SYNE1: variants seen among roughly 807,000 people sequenced by gnomAD.
SYNE1 encodes the protein nesprin-1.
In SYNE1, 616 loss-of-function variants were observed where a neutral mutation model predicts 1,111.0. The observed-to-expected ratio is 0.55, with a 90% confidence interval of 0.52 to 0.59. The LOEUF (loss-of-function observed/expected upper bound fraction) is 0.59, where lower values mean the gene tolerates loss of function less well. SYNE1 is among the 20% of genes least tolerant of loss of function. SYNE1 has a pLI of 0.00. For synonymous variants in SYNE1, 3,855 were observed against 3,825.8 expected, an observed-to-expected ratio of 1.01 and a Z score of -0.28; for missense variants, 10,006 against 10,417.0, an observed-to-expected ratio of 0.96 and a Z score of 1.72.
chr6:152,413,221 A>C, intron 42 of SYNE1, 131 bp downstream of exon 42: 1 of 1,070,140 alleles, frequency 9.3e-7, no homozygotes. Context: ...AATGTTATGA[A>C]AGTGACACAG....
intron 95 of SYNE1, 38 bp from the exon 96 acceptor site, chr6:152,284,210 T>C (rs780971764): frequency 6.2e-7 from 1 of 1,605,946 alleles, no homozygotes; most frequent in African/African-American, 1.3e-5. Flanking sequence ...CATGTATTCA[T>C]TTCTTCACTG....
intron 137 of SYNE1, chr6:152,144,555 C>T (rs557337051): frequency 6.6e-6 from 1 of 152,408 alleles, no homozygotes; most frequent in African/African-American, 2.4e-5. Context: ...GTGAAGCTAG[C>T]ATGGGGTGAA....
chr6:152,298,426 G>A (rs577720046), intron 93 of SYNE1, among the ~76,000 whole-genome samples: 26 of 152,192 alleles, frequency 1.7e-4, no homozygotes, highest in African/African-American at 3.6e-4. Flanking sequence ...GGAATGCCTC[G>A]GTATTTCTAC....
intron 119 of SYNE1, 25 bp from the exon 120 acceptor site, chr6:152,219,210 C>A (rs2079481467): frequency 6.2e-7 from 1 of 1,610,060 alleles, no homozygotes; most frequent in South Asian, 1.1e-5. Context: ...AATATGCCCA[C>A]TCTGAAGCAT....
chr6:152,617,564 C>T (rs2099660862), intron 3 of SYNE1, among the ~76,000 whole-genome samples: 1 of 152,056 alleles, frequency 6.6e-6, no homozygotes, highest in Admixed American at 6.6e-5. Context: ...AAACTAAGTG[C>T]CTACTAAATG....
chr6:152,275,162 C>T (rs915849641), intron 98 of SYNE1, among the ~76,000 whole-genome samples: 1 of 152,148 alleles, frequency 6.6e-6, no homozygotes, highest in African/African-American at 2.4e-5. Context: ...CCTTCTTAGC[C>T]TCCCAAACTG....
chr6:152,460,084 G>A lies in SYNE1; in HGVS notation c.2395-1154C>T, dbSNP rs539992186. 3.3e-5 allele frequency among the ~76,000 whole-genome samples: 5 copies of A among 152,234 alleles called. No individual in the cohort carries two copies. The South Asian group carries it at 1.0e-3, about 32-fold the overall frequency. On this transcript the variant is annotated intron_variant, in intron 21 of 145. Transcript: ENST00000367255. ...CTGGGTAGAAGAGAAAACCTATCAAGATGCTGCATCTGAAACAGTAAAAAG... is the reference window on the plus strand; with the variant it reads ...CTGGGTAGAAGAGAAAACCTATCAAAATGCTGCATCTGAAACAGTAAAAAG...
At position 152,451,163 on chromosome 6, in the gene SYNE1, T is replaced by A; in HGVS notation, c.3070A>T (p.Ile1024Phe). 1.9e-6 allele frequency: 3 copies of A among 1,614,066 alleles called. No individual in the cohort carries two copies. Among genetic ancestry groups the A allele is most frequent in the Non-Finnish European group, 2.5e-6 (3 of 1,180,018 alleles). Residue 1024 changes from isoleucine (I) to phenylalanine (F), a missense_variant, in exon 26 of 146, where the codon ATT (isoleucine) becomes TTT (phenylalanine). Ile to Phe is a conservative substitution (Grantham distance 21). Around this residue, in one of 7 missense-constraint regions of SYNE1, gnomAD observed 1,971 missense variants for 2,084.1 expected, o/e 0.95. Transcript: ENST00000367255. ...AAGAACCTATTCTTCTCCACATCAA[T>A]CTTCAGATGAAGCAAATGATAAGGG... ...EAPYHLLHLKIDVEKNRFLAS... is the reference protein window; with the variant it reads ...EAPYHLLHLKFDVEKNRFLAS...
chr6:152,524,015 C>G (rs930922182), intron 5 of SYNE1, among the ~76,000 whole-genome samples: 1 of 152,124 alleles, frequency 6.6e-6, no homozygotes, highest in African/African-American at 2.4e-5. Context: ...TTGACTTACT[C>G]TTTTCCAATT....
chr6:152,621,284 A>G (rs574997981), intron 3 of SYNE1, among the ~76,000 whole-genome samples: 3 of 152,318 alleles, frequency 2.0e-5, no homozygotes, highest in Admixed American at 1.3e-4. Context: ...TTTAACAGGG[A>G]GGTCAAAGAA....
At chr6:152,630,650 T>A (rs2129006303) in intron 2 of SYNE1, among the ~76,000 whole-genome samples, 1 of 152,292 alleles carries the variant, frequency 6.6e-6, no homozygotes, top group South Asian at 2.1e-4. Flanking sequence ...AATCAACCAA[T>A]CTACCTATTA....
chr6:152,173,138 A>G (rs1245292721), intron 130 of SYNE1, among the ~76,000 whole-genome samples: 1 of 152,304 alleles, frequency 6.6e-6, no homozygotes, highest in East Asian at 1.9e-4. Flanking sequence ...TGACAACACA[A>G]TTTAAAAACT....
chr6:152,193,059 A>C (rs751280949), intron 127 of SYNE1, among the ~76,000 whole-genome samples: 15 of 151,962 alleles, frequency 9.9e-5, no homozygotes, highest in African/African-American at 3.6e-4. Flanking sequence ...ATTTATATTA[A>C]ATGTTGTTAT....
intron 101 of SYNE1, among the ~76,000 whole-genome samples, chr6:152,257,254 C>G (rs532651106): frequency 6.6e-6 from 1 of 152,188 alleles, no homozygotes; most frequent in East Asian, 1.9e-4. Context: ...TAAAGCAGGC[C>G]ACCCACGATG....
rs2075591961 is a variant in SYNE1 at position 152,202,117 on chromosome 6, CG to C, written c.23020-169del. Reference sequence around the variant, plus strand: ...ATCCCAGCACTTTGGGAGGCCGAGGCGGGTGGATCACTCGAGGTCAGGAGTT... The same window carrying C: ...ATCCCAGCACTTTGGGAGGCCGAGGCGGTGGATCACTCGAGGTCAGGAGTT... On this transcript the variant is annotated intron_variant, in intron 126 of 145. Transcript: ENST00000367255. Among the ~76,000 whole-genome samples, 4 of 152,040 alleles carry C rather than the reference CG, an allele frequency of 2.6e-5. No homozygotes were observed. The South Asian group carries it at 6.2e-4, about 24-fold the overall frequency.
At chr6:152,420,922 T>C (rs769675690) in intron 39 of SYNE1, among the ~76,000 whole-genome samples, 5 of 152,238 alleles carry the variant, frequency 3.3e-5, no homozygotes, top group Non-Finnish European at 7.3e-5. Context: ...TTGGAGACTA[T>C]TTGTGAGCAT....
intron 145 of SYNE1, among the ~76,000 whole-genome samples, chr6:152,124,222 C>T (rs1429628359): frequency 9.9e-5 from 15 of 152,164 alleles, no homozygotes; most frequent in Non-Finnish European, 2.1e-4. Context: ...AGGAGAATCG[C>T]TTGAACCCGG....
chr6:152,168,435 C>T (rs771331343), intron 130 of SYNE1: 31 of 503,924 alleles, frequency 6.2e-5, no homozygotes, highest in Non-Finnish European at 1.1e-4. Context: ...ATGTAGGCCA[C>T]GAGTGTAAGA....
chr6:152,559,310 A>G (rs2099386847), intron 3 of SYNE1, among the ~76,000 whole-genome samples: 2 of 152,254 alleles, frequency 1.3e-5, no homozygotes, highest in South Asian at 4.1e-4. Context: ...TGTGTTGCCC[A>G]GGCTGGTCTA....
Sources: allele counts gnomAD v4.1 joint callset (sites outside exome capture counted in the v4.1 genomes callset), GRCh38; gene constraint gnomAD v4.1.1; regional missense constraint gnomAD v4.1.1; transcripts MANE v1.5; gene names NCBI Gene and HGNC (gene_info 2026-07-23, HGNC 2026-07-21).